SCLT1: variants seen among roughly 807,000 people sequenced by gnomAD.
The protein encoded by SCLT1 is sodium channel-associated protein 1.
SCLT1 carries 78 observed loss-of-function variants against 112.8 expected under a neutral mutation model. That is an observed-to-expected ratio of 0.69 (90% CI 0.58 to 0.83). The LOEUF is 0.83. Ranked by LOEUF, SCLT1 falls within the 40% of genes least tolerant of loss-of-function variation. The probability of loss-of-function intolerance (pLI) is 0.00; values close to 1 mark genes in which losing one functional copy is unlikely to be tolerated. For missense variants in SCLT1, 747 were observed against 770.4 expected (o/e 0.97, Z 0.36); for synonymous variants, 257 against 254.7 (o/e 1.01, Z -0.09).
intron 5 of SCLT1, among the ~76,000 whole-genome samples, chr4:129,020,534 T>C (rs773779817): frequency 6.6e-6 from 1 of 152,178 alleles, no homozygotes; most frequent in African/African-American, 2.4e-5. Flanking sequence ...CTTCGGGATT[T>C]GGACTAGAGA....
At chr4:129,046,103 A>G (rs778687860) in intron 2 of SCLT1, among the ~76,000 whole-genome samples, 6 of 152,142 alleles carry the variant, frequency 3.9e-5, no homozygotes, top group Non-Finnish European at 7.4e-5. Flanking sequence ...GTATACAGCT[A>G]AATAATTCTC....
At chr4:128,955,011 T>C (rs1266960036) in intron 13 of SCLT1, among the ~76,000 whole-genome samples, 1 of 152,196 alleles carries the variant, frequency 6.6e-6, no homozygotes, top group Non-Finnish European at 1.5e-5. Context: ...TTGAAATACA[T>C]TTATAGTAAT....
At chr4:128,906,153 C>A (rs867754106) in intron 18 of SCLT1, among the ~76,000 whole-genome samples, 12 of 152,152 alleles carry the variant, frequency 7.9e-5, no homozygotes, top group Non-Finnish European at 1.8e-4. Flanking sequence ...AAAGTTTTTG[C>A]TAAGTACTTG....
At chr4:128,980,798 T>G (rs1741578574) in intron 9 of SCLT1, among the ~76,000 whole-genome samples, 1 of 152,186 alleles carries the variant, frequency 6.6e-6, no homozygotes, top group Admixed American at 6.5e-5. Flanking sequence ...TTTTTCCAGG[T>G]GTGTTGTTTT....
At chr4:128,908,368 C>T (rs1467742409) in intron 18 of SCLT1, among the ~76,000 whole-genome samples, 1 of 131,574 alleles carries the variant, frequency 7.6e-6, no homozygotes, top group Non-Finnish European at 1.6e-5. Context: ...AGCTGCCTCT[C>T]ATCCTGTTAA....
intron 2 of SCLT1, among the ~76,000 whole-genome samples, chr4:129,044,825 AC>A (rs1294632622): frequency 7.3e-6 from 1 of 137,436 alleles, no homozygotes; most frequent in East Asian, 2.1e-4. Flanking sequence ...AGATAATCTC[AC>A]CAAAAAAAAA....
At chr4:129,004,016 G>C in intron 5 of SCLT1, 140 bp from the exon 6 acceptor site, 1 of 727,218 alleles carries the variant, frequency 1.4e-6, no homozygotes, top group African/African-American at 1.8e-5. Context: ...TAAAAAATTA[G>C]AAGTGTTTAA....
At chr4:128,903,100 T>C (rs866352669) in intron 18 of SCLT1, among the ~76,000 whole-genome samples, 1 of 151,978 alleles carries the variant, frequency 6.6e-6, no homozygotes, top group South Asian at 2.1e-4. Context: ...TGTAGGAGTA[T>C]GCTCTAAGAT....
intron 17 of SCLT1, among the ~76,000 whole-genome samples, chr4:128,941,125 C>A (rs1328461759): frequency 6.6e-6 from 1 of 151,964 alleles, no homozygotes; most frequent in Non-Finnish European, 1.5e-5. Context: ...AAACCTGCCC[C>A]CATGATTCAA....
At chr4:129,072,755 C>T (rs536764957) in intron 2 of SCLT1, among the ~76,000 whole-genome samples, 1 of 152,098 alleles carries the variant, frequency 6.6e-6, no homozygotes, top group South Asian at 2.1e-4. Context: ...CTTTTCTTGT[C>T]CCTCCCTGAT....
chr4:128,931,710 C>T (rs1285808751), intron 18 of SCLT1, among the ~76,000 whole-genome samples: 1 of 152,218 alleles, frequency 6.6e-6, no homozygotes, highest in Non-Finnish European at 1.5e-5. Flanking sequence ...GATCAGCCCG[C>T]CTCGGCCTCC....
At chr4:128,928,789 G>A (rs573018423) in intron 18 of SCLT1, among the ~76,000 whole-genome samples, 18 of 151,680 alleles carry the variant, frequency 1.2e-4, no homozygotes, top group Admixed American at 3.3e-4. Flanking sequence ...CTGAGATCGC[G>A]CCACTGCACT....
rs142025461 is a variant in SCLT1 at position 128,919,738 on chromosome 4, CA to C, written c.1829+16916del. The stretch of plus-strand genomic sequence containing the variant: ...TATTACTATTAACCCCACAGAAATA[CA>C]AAAAAAAAATAACCTCAGAGACTAC... On this transcript the variant is annotated intron_variant, in intron 18 of 20. Coordinates refer to ENST00000281142, the MANE Select transcript of SCLT1 (RefSeq NM_144643.4). Among the ~76,000 whole-genome samples the C allele has an allele frequency of 1.2e-3, 177 of 148,034 alleles. 1 individual carries two copies. The highest frequency in any genetic ancestry group is 3.7e-3 in the African/African-American group (152 of 40,670).
intron 2 of SCLT1, among the ~76,000 whole-genome samples, chr4:129,064,941 CAT>C (rs1164832272): frequency 2.0e-5 from 3 of 152,060 alleles, no homozygotes; most frequent in Non-Finnish European, 4.4e-5. Context: ...TGTAAAATAA[CAT>C]GTACTCTATT....
intron 1 of SCLT1, among the ~76,000 whole-genome samples, chr4:129,090,753 C>T (rs781077258): frequency 2.5e-4 from 38 of 152,176 alleles, no homozygotes; most frequent in Non-Finnish European, 4.7e-4. Flanking sequence ...CCTCTTTGAA[C>T]AGGTTCCTAA....
rs569668337 is a variant in SCLT1, at chr4:128,963,127, A to G, written c.869+2100T>C. ...CAGCCAACCAAGAGTCAATTATATTATTGAATAATTTTCTTTCCCTAACAA... is the reference window on the plus strand; with the variant it reads ...CAGCCAACCAAGAGTCAATTATATTGTTGAATAATTTTCTTTCCCTAACAA... On this transcript the variant is annotated intron_variant, in intron 11 of 20. Coordinates refer to ENST00000281142, the MANE Select transcript of SCLT1 (RefSeq NM_144643.4). Among the ~76,000 whole-genome samples, 4 of 152,294 alleles carry G rather than the reference A, an allele frequency of 2.6e-5. No individual in the cohort carries two copies. In the South Asian group the frequency reaches 8.3e-4, roughly 32 times the overall value.
chr4:128,928,874 G>A (rs1736526976), intron 18 of SCLT1, among the ~76,000 whole-genome samples: 1 of 151,872 alleles, frequency 6.6e-6, no homozygotes, highest in South Asian at 2.1e-4. Context: ...AAAGCTCTTA[G>A]TAAAGTAATA....
chr4:129,078,722 C>G (rs1751675512), intron 2 of SCLT1, among the ~76,000 whole-genome samples: 1 of 152,168 alleles, frequency 6.6e-6, no homozygotes, highest in South Asian at 2.1e-4. Flanking sequence ...ATAAACTATT[C>G]CTTTTTAATA....
intron 5 of SCLT1, among the ~76,000 whole-genome samples, chr4:129,032,301 A>G (rs1234422187): frequency 6.6e-6 from 1 of 152,144 alleles, no homozygotes; most frequent in Non-Finnish European, 1.5e-5. Context: ...GTAAACTGAA[A>G]CTGGACCCCT....
Sources: gnomAD v4.1 joint callset for allele counts (sites outside exome capture counted in the v4.1 genomes callset) on GRCh38, gnomAD v4.1.1 for gene constraint, MANE v1.5 for transcripts, NCBI Gene and HGNC (gene_info 2026-07-23, HGNC 2026-07-21) for gene names.